Variants in ARHGAP29 observed in about 807,000 individuals in gnomAD.
The protein encoded by ARHGAP29 is rho GTPase-activating protein 29.
ARHGAP29 carries 43 observed loss-of-function variants against 122.6 expected under a neutral mutation model. The observed-to-expected ratio is 0.35, with a 90% CI of 0.27 to 0.45. The LOEUF (loss-of-function observed/expected upper bound fraction) is 0.45. Among genes scored for constraint, ARHGAP29 ranks in the 20% least tolerant of loss-of-function variants. The pLI is 1.00. For missense variants in ARHGAP29, 1,303 were observed against 1,477.2 expected, an observed-to-expected ratio of 0.88 and a Z score of 1.93; for synonymous variants, 506 against 497.1, an observed-to-expected ratio of 1.02 and a Z score of -0.24.
chr1:94,285,293 G>A, the ARHGAP29 span, among the ~76,000 whole-genome samples: 5 of 151,804 alleles, frequency 3.3e-5, no homozygotes, highest in Admixed American at 2.0e-4. Flanking sequence ...AACACATTGA[G>A]CATCAACAAT....
chr1:94,252,997 G>A (rs997642291), intron 1 of ARHGAP29, among the ~76,000 whole-genome samples: 8 of 151,856 alleles, frequency 5.3e-5, no homozygotes, highest in Admixed American at 4.6e-4. Flanking sequence ...TTGAGACAGA[G>A]TCTCAGTCTG....
rs565341874 is a variant in ARHGAP29, at chr1:94,196,867, T to G, written c.1281+4853A>C. ...ATGAAAATACAAATTTTAAAATTTG[T>G]GGGATATACATAAGCAATGCTTAGA... On this transcript the variant is annotated intron_variant, in intron 12 of 22. Transcript: ENST00000260526. 5.2e-4 allele frequency among the ~76,000 whole-genome samples: 79 copies of G among 152,228 alleles called. 1 individual carries two copies. The highest frequency in any genetic ancestry group is 1.6e-3 in the African/African-American group (68 of 41,538).
intron 2 of ARHGAP29, among the ~76,000 whole-genome samples, chr1:94,221,763 A>G (rs912868438): frequency 6.6e-6 from 1 of 151,294 alleles, no homozygotes; most frequent in South Asian, 2.1e-4. Context: ...ACACATATAT[A>G]TATTTCTTTG....
At chr1:94,293,210 G>A in the ARHGAP29 span, among the ~76,000 whole-genome samples, 2 of 152,190 alleles carry the variant, frequency 1.3e-5, no homozygotes, top group South Asian at 2.1e-4. Flanking sequence ...CCCCATCAAG[G>A]TCCAGTGTCC....
chr1:94,202,148 TA>T, intron 11 of ARHGAP29: 1 of 436,608 alleles, frequency 2.3e-6, no homozygotes. Flanking sequence ...AATTTGTTCG[TA>T]AAATTACATT....
chr1:94,237,795 CT>C, upstream of ARHGAP29: 14 of 984,676 alleles, frequency 1.4e-5, no homozygotes, highest in Non-Finnish European at 1.7e-5. Context: ...GTCGGCTGCC[CT>C]TTTGGCTTGC....
At chr1:94,219,407 C>T (rs189929092) in intron 3 of ARHGAP29, among the ~76,000 whole-genome samples, 1 of 152,248 alleles carries the variant, frequency 6.6e-6, no homozygotes, top group African/African-American at 2.4e-5. Context: ...ATTACCTATA[C>T]ATCAACAATT....
At chr1:94,280,006 C>G (rs1655297445), upstream of ARHGAP29, among the ~76,000 whole-genome samples, 1 of 152,108 alleles carries the variant, frequency 6.6e-6, no homozygotes, top group Non-Finnish European at 1.5e-5. Flanking sequence ...TATTTCTGTA[C>G]TTGTTTTTTC....
chr1:94,262,041 GT>G (rs1375655423), intron 1 of ARHGAP29, among the ~76,000 whole-genome samples: 1 of 152,144 alleles, frequency 6.6e-6, no homozygotes, highest in Non-Finnish European at 1.5e-5. Flanking sequence ...GCATGGAACT[GT>G]TACAAAAACA....
chr1:94,250,778 A>T (rs1024290034), intron 1 of ARHGAP29, among the ~76,000 whole-genome samples: 5 of 152,366 alleles, frequency 3.3e-5, no homozygotes, highest in African/African-American at 1.2e-4. Context: ...TATCATACTC[A>T]TGTTACGTCC....
chr1:94,208,805 CTT>C lies in ARHGAP29; in HGVS notation c.510+25_510+26del, dbSNP rs766399860. On this transcript the variant is annotated intron_variant, in intron 5 of 22. Coordinates refer to ENST00000260526, the MANE Select transcript of ARHGAP29 (RefSeq NM_004815.4). The stretch of plus-strand genomic sequence containing the variant: ...AACATGAAGTTAAAAACATTAAAGA[CTT>C]TGCTTTCACACAAACTTAGCTTACC... 8 of 1,606,396 alleles carry C rather than the reference CTT, an allele frequency of 5.0e-6. No homozygotes were observed. In the African/African-American group the frequency reaches 8.0e-5, roughly 16 times the overall value.
In ARHGAP29 at chr1:94,190,061, A is replaced by C; in HGVS notation, c.1304T>G (p.Met435Arg). The change falls in exon 13 of 23, where the codon ATG becomes AGG. Residue 435 changes from methionine to arginine, a missense_variant. Met to Arg is a moderately conservative substitution (Grantham distance 91). Coordinates refer to ENST00000260526, the MANE Select transcript of ARHGAP29 (RefSeq NM_004815.4). ...LKAVTVNLFHMQHLQAASLAD... is the reference protein window; with the variant it reads ...LKAVTVNLFHRQHLQAASLAD... ...AAGGGAAGCAGCCTGCAGATGCTGC[A>C]TGTGGAAGAGGTTAACTGTTACCTA... The C allele has an allele frequency of 1.2e-6, 2 of 1,613,316 alleles. No individual in the cohort carries two copies. The highest frequency in any genetic ancestry group is 1.7e-6 in the Non-Finnish European group (2 of 1,179,498).
the ARHGAP29 span, among the ~76,000 whole-genome samples, chr1:94,282,698 T>C: frequency 1.5e-4 from 23 of 152,242 alleles, no homozygotes; most frequent in South Asian, 2.1e-4. Flanking sequence ...CCTCTTCTCT[T>C]CTGCCTAGAG....
chr1:94,274,513 A>G (rs1410801427), intron 1 of ARHGAP29, among the ~76,000 whole-genome samples: 1 of 152,248 alleles, frequency 6.6e-6, no homozygotes, highest in Admixed American at 6.5e-5. Flanking sequence ...ATATCAGTCA[A>G]GTGCTTATTG....
rs771318896 is a variant in ARHGAP29 at position 94,202,584 on chromosome 1, AGTT to A, written c.1100_1102del (p.Gln367del). On this transcript the variant is annotated inframe_deletion, in exon 11 of 23. Transcript: ENST00000260526. ...CTCTTCCAACCTTCGCTTTTTTTCT[AGTT>A]GCTTGTTGAGATTTTTTGCTAATCC... The A allele has an allele frequency of 6.2e-7, 1 of 1,614,062 alleles. No homozygotes were observed. The highest frequency in any genetic ancestry group is 1.1e-5 in the South Asian group (1 of 91,054).
At chr1:94,261,854 TA>T (rs974564530) in intron 1 of ARHGAP29, among the ~76,000 whole-genome samples, 1 of 152,214 alleles carries the variant, frequency 6.6e-6, no homozygotes, top group African/African-American at 2.4e-5. Context: ...GATTCAATGC[TA>T]TTCTTATCAA....
the ARHGAP29 span, among the ~76,000 whole-genome samples, chr1:94,310,156 G>A: frequency 1.4e-3 from 213 of 152,294 alleles, 1 homozygote; most frequent in African/African-American, 4.9e-3. Flanking sequence ...CCAGAAAACT[G>A]CCACAACTGC....
chr1:94,197,483 A>AAATAGG (rs1487571840), intron 12 of ARHGAP29, among the ~76,000 whole-genome samples: 1 of 152,226 alleles, frequency 6.6e-6, no homozygotes, highest in African/African-American at 2.4e-5. Context: ...CCAGAAAACA[A>AAATAGG]AATAGGAGGA....
At chr1:94,225,491 T>G (rs1333721149) in intron 2 of ARHGAP29, among the ~76,000 whole-genome samples, 1 of 152,088 alleles carries the variant, frequency 6.6e-6, no homozygotes, top group Non-Finnish European at 1.5e-5. Flanking sequence ...TGAAAACAGA[T>G]TTGCCTCACA....
Sources: gnomAD v4.1 joint callset for allele counts (sites outside exome capture counted in the v4.1 genomes callset) on GRCh38, gnomAD v4.1.1 for gene constraint, MANE v1.5 for transcripts, NCBI Gene and HGNC (gene_info 2026-07-23, HGNC 2026-07-21) for gene names.